The following MDGA2 variants were observed in gnomAD, a reference collection of about 807,000 sequenced individuals.
The protein encoded by MDGA2 is MAM domain containing glycosylphosphatidylinositol anchor 2, also known as MAM domain-containing glycosylphosphatidylinositol anchor protein 2.
In MDGA2, 40 loss-of-function variants were observed where a neutral mutation model predicts 117.8. That is an observed-to-expected ratio of 0.34 (90% CI 0.26 to 0.44). The LOEUF (loss-of-function observed/expected upper bound fraction) is 0.44. Ranked by LOEUF, MDGA2 falls within the 20% of genes least tolerant of loss-of-function variation. MDGA2 has a pLI of 1.00. For missense variants in MDGA2, 1,123 were observed against 1,250.6 expected (o/e 0.90, Z 1.54); for synonymous variants, 452 against 439.0 (o/e 1.03, Z -0.37).
chr14:47,247,306 A>ATTTT (rs11312463), intron 2 of MDGA2, among the ~76,000 whole-genome samples: 1 of 140,370 alleles, frequency 7.1e-6, no homozygotes, highest in Non-Finnish European at 1.6e-5. Flanking sequence ...ATAGTTTCAT[A>ATTTT]TTTTTTTTTT....
chr14:47,040,944 A>G (rs890679523), intron 7 of MDGA2, among the ~76,000 whole-genome samples: 4 of 152,212 alleles, frequency 2.6e-5, no homozygotes, highest in Admixed American at 2.0e-4. Context: ...GAAAGAAAGA[A>G]AGGCAGAGCA....
At chr14:47,021,243 A>G (rs986391002) in intron 8 of MDGA2, among the ~76,000 whole-genome samples, 1 of 152,198 alleles carries the variant, frequency 6.6e-6, no homozygotes, top group Non-Finnish European at 1.5e-5. Context: ...AAAATAACAT[A>G]TGTTTAGATG....
At chr14:47,295,629 C>G (rs1417935230) in intron 2 of MDGA2, among the ~76,000 whole-genome samples, 1 of 152,020 alleles carries the variant, frequency 6.6e-6, no homozygotes. Context: ...ATAGGCCGGG[C>G]GCAGTGGCTC....
intron 1 of MDGA2, among the ~76,000 whole-genome samples, chr14:47,512,040 A>G (rs1894652841): frequency 1.3e-5 from 2 of 152,206 alleles, no homozygotes; most frequent in African/African-American, 4.8e-5. Flanking sequence ...ACTTTGGTTC[A>G]GTAAAGTCTT....
chr14:47,466,502 A>T (rs1414474394), intron 1 of MDGA2, among the ~76,000 whole-genome samples: 1 of 152,102 alleles, frequency 6.6e-6, no homozygotes, highest in Non-Finnish European at 1.5e-5. Context: ...ATCCTCAAGA[A>T]ACAGAGAAGA....
intron 1 of MDGA2, among the ~76,000 whole-genome samples, chr14:47,581,435 T>C (rs1006683393): frequency 3.3e-5 from 5 of 151,988 alleles, no homozygotes; most frequent in Non-Finnish European, 7.4e-5. Context: ...TCAAATATAG[T>C]CTTTTAAAAA....
chr14:47,206,857 C>T (rs1885702550), intron 3 of MDGA2, among the ~76,000 whole-genome samples: 1 of 151,866 alleles, frequency 6.6e-6, no homozygotes, highest in Non-Finnish European at 1.5e-5. Context: ...CACCACTGTA[C>T]TCCAGCCTGG....
intron 1 of MDGA2, among the ~76,000 whole-genome samples, chr14:47,493,947 C>T (rs575056388): frequency 2.3e-4 from 35 of 152,216 alleles, no homozygotes; most frequent in Middle Eastern, 3.4e-3. Flanking sequence ...GAATTGTAAT[C>T]GTCAAGTGTT....
At chr14:47,289,304 T>TACACAC (rs3039467) in intron 2 of MDGA2, among the ~76,000 whole-genome samples, 12,875 of 140,468 alleles carry the variant, frequency 0.092, 734 homozygotes, top group Middle Eastern at 0.16. Flanking sequence ...TTTCTGGACT[T>TACACAC]ACACACACAC....
chr14:46,960,749 T>C (rs985903919), intron 8 of MDGA2, among the ~76,000 whole-genome samples: 1 of 148,266 alleles, frequency 6.7e-6, no homozygotes, highest in Admixed American at 6.9e-5. Flanking sequence ...TATATGTGTA[T>C]ATGCACACAT....
intron 2 of MDGA2, among the ~76,000 whole-genome samples, chr14:47,221,918 C>T (rs1321414678): frequency 6.6e-6 from 1 of 151,720 alleles, no homozygotes; most frequent in East Asian, 1.9e-4. Context: ...AAATCAAGCC[C>T]ATTGACAATT....
intron 13 of MDGA2, 113 bp from the exon 14 acceptor site, chr14:46,873,704 T>A (rs1270869182): frequency 1.1e-6 from 1 of 940,518 alleles, no homozygotes; most frequent in Non-Finnish European, 1.5e-6. Context: ...ATAGGAAGAT[T>A]TGCATCTCAT....
chr14:47,615,507 G>T (rs149008931), intron 1 of MDGA2, among the ~76,000 whole-genome samples: 187 of 152,174 alleles, frequency 1.2e-3, no homozygotes, highest in African/African-American at 4.4e-3. Flanking sequence ...TCTGAAATGC[G>T]GAATGTGCAA....
chr14:47,126,465 C>T (rs1881908452), intron 5 of MDGA2, among the ~76,000 whole-genome samples: 1 of 151,964 alleles, frequency 6.6e-6, no homozygotes, highest in African/African-American at 2.4e-5. Flanking sequence ...CATAGCATGC[C>T]AAACAAGAAA....
chr14:47,247,306 ATT>A lies in MDGA2; in HGVS notation c.421-29113_421-29112del, dbSNP rs11312463. On this transcript the variant is annotated intron_variant, in intron 2 of 16. Transcript: ENST00000399232. The stretch of plus-strand genomic sequence containing the variant: ...TCCCATAGTGCTGATATAGTTTCAT[ATT>A]TTTTTTTTTTTTTTGAGACAGGGTC... Among the ~76,000 whole-genome samples the A allele has an allele frequency of 7.1e-3, 990 of 140,336 alleles. 13 individuals are homozygous for A. The highest frequency in any genetic ancestry group is 0.022 in the Middle Eastern group (6 of 272). 92.1% of individuals were successfully genotyped at this position (140,336 alleles called of 152,430 possible). A position where few individuals can be genotyped will look rare whatever the true frequency, so the allele number is the denominator to read the frequency against.
At chr14:47,423,457 CA>C (rs1442496252) in intron 1 of MDGA2, among the ~76,000 whole-genome samples, 1 of 152,218 alleles carries the variant, frequency 6.6e-6, no homozygotes, top group Admixed American at 6.5e-5. Flanking sequence ...ACTCATTTGA[CA>C]AAAGAGGAAA....
In MDGA2 at chr14:47,061,505, C is replaced by T. The variant is rs373885586; in HGVS notation, c.1269G>A (p.Glu423=). The change falls in exon 7 of 17, where the codon GAG becomes GAA. Residue 423 remains glutamate (E), a synonymous_variant. Transcript: ENST00000399232. ...CTTCTACTTGGCAAGATATTTTCAC[C>T]TCACGGCCAATCTGGATGTTGTCAT... ...HKDDNIQIGR[E]VKISCQVEAV... 2 of 1,613,314 alleles carry T rather than the reference C, an allele frequency of 1.2e-6. No homozygotes were observed. Among genetic ancestry groups the T allele is most frequent in the African/African-American group, 1.3e-5 (1 of 74,964 alleles).
intron 9 of MDGA2, among the ~76,000 whole-genome samples, chr14:46,928,561 A>G (rs1169005461): frequency 6.6e-6 from 1 of 152,072 alleles, no homozygotes; most frequent in South Asian, 2.1e-4. Flanking sequence ...AAATCAATCA[A>G]TGAACTTTCC....
At chr14:47,205,360 C>T (rs561639855) in intron 3 of MDGA2, among the ~76,000 whole-genome samples, 42 of 152,006 alleles carry the variant, frequency 2.8e-4, no homozygotes, top group Admixed American at 2.0e-3. Context: ...CTCAAAGAGT[C>T]TATAATTTAT....
Sources: gnomAD v4.1 joint callset for allele counts (sites outside exome capture counted in the v4.1 genomes callset) on GRCh38, gnomAD v4.1.1 for gene constraint, MANE v1.5 for transcripts, NCBI Gene and HGNC (gene_info 2026-07-23, HGNC 2026-07-21) for gene names.